Variants in MAF observed in about 807,000 individuals in gnomAD.
The protein encoded by MAF is MAF bZIP transcription factor, also known as transcription factor Maf.
MAF carries 10 observed loss-of-function variants against 22.0 expected under a neutral mutation model. The ratio of observed to expected loss-of-function variants is 0.45; its 90% CI spans 0.28 to 0.77. The LOEUF (loss-of-function observed/expected upper bound fraction) is 0.77. MAF is among the 30% of genes least tolerant of loss of function. The pLI, the probability that MAF is intolerant of heterozygous loss-of-function variation, is 0.12. For synonymous variants in MAF, 337 were observed against 255.8 expected (o/e 1.32, Z -3.03); for missense variants, 544 against 548.4 (o/e 0.99, Z 0.08).
the MAF span, among the ~76,000 whole-genome samples, chr16:79,377,904 A>G: frequency 1.1e-4 from 17 of 152,182 alleles, no homozygotes; most frequent in African/African-American, 3.4e-4. Flanking sequence ...TTTTGGTACC[A>G]GTACCATGCT....
chr16:79,244,996 G>A, the MAF span, among the ~76,000 whole-genome samples: 1 of 151,992 alleles, frequency 6.6e-6, no homozygotes, highest in African/African-American at 2.4e-5. Flanking sequence ...AACGGTGTTG[G>A]GAAAACTGGC....
the MAF span, among the ~76,000 whole-genome samples, chr16:79,564,293 C>G: frequency 5.3e-5 from 8 of 152,278 alleles, no homozygotes; most frequent in South Asian, 1.7e-3. Context: ...TGGAAGACTT[C>G]TTTTTTGCAT....
chr16:79,275,846 T>G, the MAF span, among the ~76,000 whole-genome samples: 32,142 of 152,092 alleles, frequency 0.21, 4,111 homozygotes, highest in East Asian at 0.65. Context: ...TGAAAAATGA[T>G]TTGAAACAGG....
the MAF span, among the ~76,000 whole-genome samples, chr16:79,571,057 G>A: frequency 5.9e-5 from 9 of 151,830 alleles, no homozygotes; most frequent in Non-Finnish European, 1.3e-4. Context: ...AGAAAGGTCT[G>A]GCACTGATGA....
chr16:79,581,770 G>A (rs1237536720), downstream of MAF, among the ~76,000 whole-genome samples: 3 of 152,132 alleles, frequency 2.0e-5, no homozygotes, highest in Non-Finnish European at 2.9e-5. Context: ...CAGGCTCACC[G>A]TACTGATGAT....
the MAF span, among the ~76,000 whole-genome samples, chr16:79,376,411 C>A: frequency 6.6e-5 from 10 of 152,224 alleles, no homozygotes; most frequent in East Asian, 1.9e-3. Flanking sequence ...AGTTATTACA[C>A]TATGACCCAG....
the MAF span, among the ~76,000 whole-genome samples, chr16:79,250,159 G>A: frequency 3.0e-3 from 451 of 152,300 alleles, 7 homozygotes; most frequent in Admixed American, 0.023. Flanking sequence ...CCTTTCAGGA[G>A]AAGGACTCCA....
the MAF span, among the ~76,000 whole-genome samples, chr16:79,539,460 C>T: frequency 2.5e-4 from 38 of 152,190 alleles, no homozygotes; most frequent in Admixed American, 1.5e-3. Context: ...GCCGAGATCG[C>T]GCCACTGCAC....
chr16:79,508,489 C>T, the MAF span, among the ~76,000 whole-genome samples: 2 of 152,156 alleles, frequency 1.3e-5, no homozygotes, highest in African/African-American at 4.8e-5. Flanking sequence ...TGTTGCCAGT[C>T]CCAGGGCGCT....
At chr16:79,591,799 T>A (rs1227349356), downstream of MAF, among the ~76,000 whole-genome samples, 1 of 152,228 alleles carries the variant, frequency 6.6e-6, no homozygotes, top group Non-Finnish European at 1.5e-5. Context: ...AGTGACCATT[T>A]AAATATTGGT....
At chr16:79,546,411 G>C in the MAF span, among the ~76,000 whole-genome samples, 1 of 152,056 alleles carries the variant, frequency 6.6e-6, no homozygotes, top group Non-Finnish European at 1.5e-5. Context: ...TGAGTGACTT[G>C]GGCTGGGAGA....
chr16:79,271,469 C>T, the MAF span, among the ~76,000 whole-genome samples: 2 of 152,284 alleles, frequency 1.3e-5, no homozygotes, highest in African/African-American at 4.8e-5. Flanking sequence ...ATTCGTGTAG[C>T]TGCAAAATAA....
chr16:79,434,261 A>G, the MAF span, among the ~76,000 whole-genome samples: 1 of 152,236 alleles, frequency 6.6e-6, no homozygotes, highest in African/African-American at 2.4e-5. Context: ...TGACTAACCT[A>G]TCTGAAGCTC....
chr16:79,485,198 C>T, the MAF span, among the ~76,000 whole-genome samples: 1 of 152,198 alleles, frequency 6.6e-6, no homozygotes. Context: ...CCACTACTTG[C>T]TGTGTGACCC....
chr16:79,545,611 C>CG, the MAF span, among the ~76,000 whole-genome samples: 1 of 151,970 alleles, frequency 6.6e-6, no homozygotes, highest in East Asian at 1.9e-4. Context: ...AACCCCCACC[C>CG]CCCCACAGAG....
chr16:79,344,923 T>C, the MAF span, among the ~76,000 whole-genome samples: 1 of 152,238 alleles, frequency 6.6e-6, no homozygotes, highest in Non-Finnish European at 1.5e-5. Flanking sequence ...TCTATTCTTT[T>C]GTGAAGAATG....
chr16:79,440,179 G>A, the MAF span, among the ~76,000 whole-genome samples: 1 of 152,204 alleles, frequency 6.6e-6, no homozygotes, highest in Admixed American at 6.5e-5. Flanking sequence ...GTGTTTCTAA[G>A]AATGATAAGG....
chr16:79,557,313 G>C, the MAF span, among the ~76,000 whole-genome samples: 2 of 152,036 alleles, frequency 1.3e-5, no homozygotes, highest in African/African-American at 2.4e-5. Context: ...AAGATCAGCA[G>C]TTTGAGGGTG....
chr16:79,244,502 C>G, the MAF span, among the ~76,000 whole-genome samples: 4 of 152,064 alleles, frequency 2.6e-5, no homozygotes, highest in African/African-American at 7.2e-5. Flanking sequence ...AGGAATACAA[C>G]TTACAAGAGA....
Sources: allele counts gnomAD v4.1 joint callset (sites outside exome capture counted in the v4.1 genomes callset), GRCh38; gene constraint gnomAD v4.1.1; transcripts MANE v1.5; gene names NCBI Gene and HGNC (gene_info 2026-07-23, HGNC 2026-07-21).